The following CWC22 variants were observed in gnomAD, a reference collection of about 807,000 sequenced individuals.
CWC22 encodes pre-mRNA-splicing factor CWC22 homolog.
CWC22 carries 53 observed loss-of-function variants against 117.2 expected under a neutral mutation model. The ratio of observed to expected loss-of-function variants is 0.45; its 90% CI spans 0.36 to 0.57. The LOEUF is 0.57. Among genes scored for constraint, CWC22 ranks in the 20% least tolerant of loss-of-function variants. CWC22 has a pLI of 0.00. For missense variants in CWC22, 980 were observed against 1,068.8 expected, an observed-to-expected ratio of 0.92 and a Z score of 1.16; for synonymous variants, 360 against 355.6, an observed-to-expected ratio of 1.01 and a Z score of -0.14.
At chr2:179,948,924 A>G (rs1295859305) in intron 19 of CWC22, among the ~76,000 whole-genome samples, 1 of 152,222 alleles carries the variant, frequency 6.6e-6, no homozygotes, top group African/African-American at 2.4e-5. Flanking sequence ...AGTTTGATAA[A>G]TGAACCAGTG....
chr2:179,985,202 A>G (rs958493617), intron 4 of CWC22, among the ~76,000 whole-genome samples: 22 of 152,198 alleles, frequency 1.4e-4, no homozygotes, highest in African/African-American at 5.3e-4. Context: ...CACCTCATTA[A>G]AAAGTGTAAA....
Position 179,945,617 on chromosome 2 carries a change from T to C in CWC22, c.2239A>G (p.Arg747Gly). 1 of 1,613,174 alleles carries C rather than the reference T, an allele frequency of 6.2e-7. No individual in the cohort carries two copies. The highest frequency in any genetic ancestry group is 8.5e-7 in the Non-Finnish European group (1 of 1,179,578). ...TCCTGGTGCCCGTGTTCTTGTCTTC[T>C]TTCTTTTTGTTTCCTATCATTTGTT... ...QQTNDRKQKE[R>G]RQEHGHQETR... Residue 747 changes from arginine (R) to glycine (G), a missense_variant, in exon 20 of 20, where the codon AGA (arginine) becomes GGA (glycine). By Grantham distance (125) the Arg-to-Gly change is moderately radical. Coordinates refer to ENST00000410053, the MANE Select transcript of CWC22 (RefSeq NM_020943.3).
Position 179,984,809 on chromosome 2 carries a change from T to G in CWC22, c.206+1886A>C, listed in dbSNP as rs186205528. Among the ~76,000 whole-genome samples, 24 of 152,160 alleles carry G rather than the reference T, an allele frequency of 1.6e-4. No individual in the cohort carries two copies. The South Asian group carries it at 2.5e-3, about 16-fold the overall frequency. ...ATAAAATACTAAAATAATGTTAGTT[T>G]TGTAAGATTAATTAGAAATACATTC... On this transcript the variant is annotated intron_variant, in intron 4 of 19. Coordinates refer to ENST00000410053, the MANE Select transcript of CWC22 (RefSeq NM_020943.3).
In CWC22 at chr2:179,945,028, C is replaced by A; in HGVS notation, c.*101G>T. 1.3e-6 allele frequency: 1 copy of A among 770,032 alleles called. No homozygotes were observed. The allele number at this position is 770,032 out of a possible 1,614,324, so 47.7% of individuals were successfully genotyped here. A position where few individuals can be genotyped will look rare whatever the true frequency, so the allele number is the denominator to read the frequency against. On this transcript the variant is annotated 3_prime_UTR_variant, in exon 20 of 20. Transcript: ENST00000410053. The stretch of plus-strand genomic sequence containing the variant: ...CATTTTTTAAATTTACAAATACAAA[C>A]CAATACTTTATACAAGAATTCTCTA...
chr2:179,951,555 A>T (rs1686448701), intron 17 of CWC22, among the ~76,000 whole-genome samples: 1 of 152,134 alleles, frequency 6.6e-6, no homozygotes. Context: ...AAGAATGATT[A>T]AGAGTTTCCC....
chr2:179,998,840 T>G (rs1240554746), intron 1 of CWC22, among the ~76,000 whole-genome samples: 1 of 152,108 alleles, frequency 6.6e-6, no homozygotes, highest in South Asian at 2.1e-4. Context: ...TGCACAAGAT[T>G]TAGCGTTTTC....
chr2:179,951,763 A>G (rs1686454713), intron 17 of CWC22, among the ~76,000 whole-genome samples: 2 of 152,150 alleles, frequency 1.3e-5, no homozygotes, highest in Admixed American at 1.3e-4. Context: ...TGGATGGAAT[A>G]GTCCAGAGAC....
chr2:179,994,833 A>C (rs1428559373), intron 1 of CWC22, among the ~76,000 whole-genome samples: 1 of 152,118 alleles, frequency 6.6e-6, no homozygotes, highest in African/African-American at 2.4e-5. Flanking sequence ...GTTGTCCCCC[A>C]ATCTTTTCTT....
At chr2:179,987,805 T>C (rs1307289406) in intron 3 of CWC22, among the ~76,000 whole-genome samples, 2 of 152,234 alleles carry the variant, frequency 1.3e-5, no homozygotes. Context: ...AGTGCTAATA[T>C]GAATTCATAA....
At chr2:179,962,175 T>TA (rs1686768630) in intron 13 of CWC22, among the ~76,000 whole-genome samples, 1 of 152,022 alleles carries the variant, frequency 6.6e-6, no homozygotes, top group Non-Finnish European at 1.5e-5. Flanking sequence ...TTTATGCATA[T>TA]AAAAAAGGGT....
Position 179,981,802 on chromosome 2 carries a change from A to G in CWC22, c.402T>C (p.Ile134=), listed in dbSNP as rs766257089. Residue 134 remains isoleucine, a synonymous_variant, in exon 5 of 20, where the codon ATT becomes ATC. Coordinates refer to ENST00000410053, the MANE Select transcript of CWC22 (RefSeq NM_020943.3). ...GCATCATCCTGAGCTTTGCAGGGGG[A>G]ATATATGCTCCACCAGTGCGAGTAA... ...PLLTRTGGAY[I]PPAKLRMMQE... The G allele has an allele frequency of 3.1e-6, 5 of 1,613,634 alleles. No individual in the cohort carries two copies. In the South Asian group the frequency reaches 4.4e-5, roughly 14 times the overall value.
At chr2:179,951,064 T>G (rs1174035382) in intron 17 of CWC22, 138 bp from the exon 18 acceptor site, 1 of 598,448 alleles carries the variant, frequency 1.7e-6, no homozygotes, top group Non-Finnish European at 2.9e-6. Context: ...TGTCATTTAT[T>G]AGGTTAGGCT....
chr2:180,003,513 A>G (rs1687895039), intron 1 of CWC22, among the ~76,000 whole-genome samples: 1 of 152,228 alleles, frequency 6.6e-6, no homozygotes, highest in African/African-American at 2.4e-5. Context: ...ATTTAATTAG[A>G]GAGCCACGTA....
intron 5 of CWC22, among the ~76,000 whole-genome samples, chr2:179,980,419 A>ATTTTT (rs34435290): frequency 7.3e-6 from 1 of 136,534 alleles, no homozygotes; most frequent in African/African-American, 2.7e-5. Flanking sequence ...GACATTTCTT[A>ATTTTT]TTTTTTTTTT....
chr2:179,997,850 T>C (rs1351481524), intron 1 of CWC22, among the ~76,000 whole-genome samples: 1 of 152,170 alleles, frequency 6.6e-6, no homozygotes, highest in East Asian at 1.9e-4. Flanking sequence ...AACAAAACAC[T>C]AAGCCACTCA....
intron 1 of CWC22, among the ~76,000 whole-genome samples, chr2:180,001,028 C>T (rs1687834012): frequency 6.6e-6 from 1 of 151,992 alleles, no homozygotes; most frequent in Non-Finnish European, 1.5e-5. Context: ...AGGAAGATTC[C>T]CCAATGTGCT....
intron 3 of CWC22, among the ~76,000 whole-genome samples, chr2:179,987,034 T>G (rs926124937): frequency 3.9e-5 from 6 of 152,146 alleles, no homozygotes; most frequent in African/African-American, 1.4e-4. Context: ...CCAAACTTAC[T>G]TGTTTAGTGA....
At chr2:179,990,302 A>G (rs1409806230) in intron 2 of CWC22, among the ~76,000 whole-genome samples, 1 of 152,196 alleles carries the variant, frequency 6.6e-6, no homozygotes, top group African/African-American at 2.4e-5. Context: ...TCACATAAAG[A>G]TCTTAGGTCA....
intron 1 of CWC22, among the ~76,000 whole-genome samples, chr2:179,999,221 T>TA (rs1255160308): frequency 3.9e-5 from 6 of 152,188 alleles, no homozygotes; most frequent in Non-Finnish European, 8.8e-5. Flanking sequence ...TGCATGCTAA[T>TA]ACTTACACTA....
Sources: gnomAD v4.1 joint callset for allele counts (sites outside exome capture counted in the v4.1 genomes callset) on GRCh38, gnomAD v4.1.1 for gene constraint, MANE v1.5 for transcripts, NCBI Gene and HGNC (gene_info 2026-07-23, HGNC 2026-07-21) for gene names.